Variants in GATAD2A observed in about 807,000 individuals in gnomAD.
GATAD2A encodes the protein GATA zinc finger domain containing 2A.
Under a neutral mutation model 68.5 loss-of-function variants are expected in GATAD2A, and 12 were observed. That is an observed-to-expected ratio of 0.18 (90% confidence interval 0.11 to 0.28). GATAD2A has a LOEUF of 0.28. Ranked by LOEUF, GATAD2A falls within the 10% of genes least tolerant of loss-of-function variation. GATAD2A has a pLI of 1.00. For synonymous variants in GATAD2A, 410 were observed against 375.3 expected, an observed-to-expected ratio of 1.09 and a Z score of -1.07; for missense variants, 755 against 868.5, an observed-to-expected ratio of 0.87 and a Z score of 1.64.
intron 2 of GATAD2A, among the ~76,000 whole-genome samples, chr19:19,468,499 A>C (rs771201990): frequency 1.3e-5 from 2 of 152,264 alleles, no homozygotes; most frequent in Non-Finnish European, 2.9e-5. Context: ...AGAGATCTTG[A>C]CCTAGATACA....
chr19:19,462,000 C>T (rs891238264), intron 1 of GATAD2A, among the ~76,000 whole-genome samples: 8 of 152,246 alleles, frequency 5.3e-5, no homozygotes, highest in Admixed American at 6.5e-5. Context: ...CTTCCGCCAC[C>T]GGAGCTGCCT....
chr19:19,420,700 T>C (rs2052313945), intron 1 of GATAD2A, among the ~76,000 whole-genome samples: 2 of 145,046 alleles, frequency 1.4e-5, no homozygotes, highest in South Asian at 4.4e-4. Context: ...TCGGCGGTAG[T>C]CCCTTGCATG....
At chr19:19,492,531 C>T (rs1211897819) in intron 3 of GATAD2A, 50 bp from the exon 4 acceptor site, 5 of 1,611,816 alleles carry the variant, frequency 3.1e-6, no homozygotes, top group Non-Finnish European at 4.2e-6. Context: ...AGGGCCTCTG[C>T]TCCTCACCAA....
chr19:19,396,322 A>T (rs1023333947), intron 1 of GATAD2A, among the ~76,000 whole-genome samples: 1 of 152,148 alleles, frequency 6.6e-6, no homozygotes, highest in Non-Finnish European at 1.5e-5. Flanking sequence ...CTGAAAAAAA[A>T]ATCATATTTA....
At chr19:19,499,132 C>A (rs746731127) in intron 8 of GATAD2A, among the ~76,000 whole-genome samples, 3 of 152,218 alleles carry the variant, frequency 2.0e-5, no homozygotes, top group Non-Finnish European at 4.4e-5. Flanking sequence ...GAGGGACAGC[C>A]CACCCCACTG....
At chr19:19,391,980 G>T (rs1196049124) in intron 1 of GATAD2A, among the ~76,000 whole-genome samples, 1 of 151,764 alleles carries the variant, frequency 6.6e-6, no homozygotes, top group Non-Finnish European at 1.5e-5. Flanking sequence ...ATGAATGGAT[G>T]GTGTTATTTT....
chr19:19,500,758 C>A (rs1378167603), intron 8 of GATAD2A, among the ~76,000 whole-genome samples: 1 of 152,228 alleles, frequency 6.6e-6, no homozygotes, highest in Admixed American at 6.5e-5. Flanking sequence ...GGGGGTTCCC[C>A]GTCCTAAGAA....
At chr19:19,466,714 A>G (rs548033227) in intron 2 of GATAD2A, among the ~76,000 whole-genome samples, 3 of 152,356 alleles carry the variant, frequency 2.0e-5, no homozygotes, top group Admixed American at 1.3e-4. Flanking sequence ...CTGAGGAAAT[A>G]TACTTTGTAG....
At chr19:19,386,019 C>G (rs149405555) in exon 1 of GATAD2A, 1 of 151,436 alleles carries the variant, frequency 6.6e-6, no homozygotes, top group Admixed American at 6.6e-5. Flanking sequence ...CCGCCGCCGC[C>G]ACAGCGGCCG....
chr19:19,453,984 T>G (rs113505545), intron 1 of GATAD2A, among the ~76,000 whole-genome samples: 25 of 148,548 alleles, frequency 1.7e-4, no homozygotes, highest in Admixed American at 6.7e-4. Flanking sequence ...TTTTTTTTTT[T>G]TTGTTTATTT....
intron 2 of GATAD2A, among the ~76,000 whole-genome samples, chr19:19,468,624 C>G (rs769098982): frequency 6.6e-6 from 1 of 152,088 alleles, no homozygotes; most frequent in African/African-American, 2.4e-5. Context: ...ACTTCTGACT[C>G]GAGACAATGG....
chr19:19,495,758 C>T lies in GATAD2A; in HGVS notation c.629C>T (p.Ser210Phe), dbSNP rs746026581. 1 of 1,609,920 alleles carries T rather than the reference C, an allele frequency of 6.2e-7. No individual in the cohort carries two copies. ...GGGTCTTGGTATCGTTGGCAGACCT[C>T]TTCAGCTCGGATGCCCGGCAGTGTC... ...IPAGKPSLQT[S>F]SARMPGSVIP... The change falls in exon 6 of 12, where the codon TCT becomes TTT. Residue 210 changes from serine (S) to phenylalanine (F), a missense_variant. Coordinates refer to ENST00000683918, the MANE Select transcript of GATAD2A (RefSeq NM_001384528.1).
intron 1 of GATAD2A, among the ~76,000 whole-genome samples, chr19:19,415,828 G>T (rs1376862228): frequency 1.3e-5 from 2 of 151,818 alleles, no homozygotes; most frequent in African/African-American, 4.8e-5. Context: ...ATGTTGGCCA[G>T]GATGGTCTTG....
intron 1 of GATAD2A, among the ~76,000 whole-genome samples, chr19:19,416,190 G>A (rs2147190184): frequency 6.6e-6 from 1 of 152,288 alleles, no homozygotes; most frequent in South Asian, 2.1e-4. Flanking sequence ...TACAAAAAAG[G>A]AGCACATGGA....
intron 1 of GATAD2A, among the ~76,000 whole-genome samples, chr19:19,422,225 C>A (rs945103108): frequency 6.6e-6 from 1 of 152,172 alleles, no homozygotes; most frequent in Non-Finnish European, 1.5e-5. Flanking sequence ...AGGAAAACGC[C>A]ATTTGAGGCA....
chr19:19,429,592 G>T (rs554849187), intron 1 of GATAD2A, among the ~76,000 whole-genome samples: 1 of 151,882 alleles, frequency 6.6e-6, no homozygotes, highest in Admixed American at 6.5e-5. Context: ...AAGACAGCCA[G>T]TACATGCCTT....
At chr19:19,396,701 T>C (rs1367266158) in intron 1 of GATAD2A, among the ~76,000 whole-genome samples, 2 of 152,024 alleles carry the variant, frequency 1.3e-5, no homozygotes, top group African/African-American at 4.8e-5. Flanking sequence ...AGGTTTCTTT[T>C]TCTTTTCTTT....
intron 1 of GATAD2A, among the ~76,000 whole-genome samples, chr19:19,456,486 C>G (rs764741928): frequency 2.6e-5 from 4 of 152,170 alleles, no homozygotes; most frequent in Non-Finnish European, 5.9e-5. Flanking sequence ...GCCCATATAT[C>G]CACATGTGTC....
Position 19,502,164 on chromosome 19 carries a change from C to T in GATAD2A, c.1578+121C>T, listed in dbSNP as rs2060574452. On this transcript the variant is annotated intron_variant, in intron 10 of 11. Transcript: ENST00000683918. ...CTCCCTGTTTCTGTTTCACTCTCTC[C>T]CCTCCCCCACCCCTCTGTGTAACTT... 9.1e-6 allele frequency: 8 copies of T among 878,818 alleles called. 1 individual carries two copies. The highest frequency in any genetic ancestry group is 2.6e-4 in the Middle Eastern group (1 of 3,840). The allele number at this position is 878,818 out of a possible 1,614,324, so 54.4% of individuals were successfully genotyped here.
Sources: gnomAD v4.1 joint callset for allele counts (sites outside exome capture counted in the v4.1 genomes callset) on GRCh38, gnomAD v4.1.1 for gene constraint, MANE v1.5 for transcripts, NCBI Gene and HGNC (gene_info 2026-07-23, HGNC 2026-07-21) for gene names.